The following PDE4B variants were observed in gnomAD, a reference collection of about 807,000 sequenced individuals.
PDE4B encodes phosphodiesterase 4B, also known as 3',5'-cyclic-AMP phosphodiesterase 4B.
A neutral mutation model predicts 82.2 loss-of-function variants in PDE4B; 20 were observed. The observed-to-expected ratio is 0.24, with a 90% CI of 0.17 to 0.35. The LOEUF is 0.35. PDE4B is among the 10% of genes least tolerant of loss of function. PDE4B has a pLI of 1.00. For missense variants in PDE4B, 655 were observed against 907.2 expected (o/e 0.72, Z 3.57); for synonymous variants, 320 against 318.9 (o/e 1.00, Z -0.04).
intron 7 of PDE4B, among the ~76,000 whole-genome samples, chr1:66,291,348 T>C (rs1657064408): frequency 6.6e-6 from 1 of 152,168 alleles, no homozygotes; most frequent in Non-Finnish European, 1.5e-5. Context: ...CTCTAGATAC[T>C]AGGCTCTTTT....
chr1:66,342,122 T>C (rs1046513843), intron 8 of PDE4B, among the ~76,000 whole-genome samples: 16 of 152,292 alleles, frequency 1.1e-4, no homozygotes, highest in African/African-American at 3.8e-4. Flanking sequence ...TAATAAACTA[T>C]TAATGTAATT....
chr1:65,863,945 T>C (rs1291688243), intron 1 of PDE4B, among the ~76,000 whole-genome samples: 1 of 152,108 alleles, frequency 6.6e-6, no homozygotes, highest in African/African-American at 2.4e-5. Context: ...TGGGTCTTTA[T>C]CCAATTTGCC....
chr1:66,305,139 G>A (rs544729313), intron 7 of PDE4B, among the ~76,000 whole-genome samples: 1 of 152,218 alleles, frequency 6.6e-6, no homozygotes, highest in Admixed American at 6.5e-5. Flanking sequence ...TGACTGGAAA[G>A]CAAAGCGTAA....
intron 7 of PDE4B, among the ~76,000 whole-genome samples, chr1:66,279,871 G>A (rs925294513): frequency 2.6e-5 from 4 of 152,102 alleles, no homozygotes; most frequent in South Asian, 4.1e-4. Context: ...CAACATCATC[G>A]GGGGTAATCT....
At chr1:65,818,406 C>T (rs1048247871) in intron 1 of PDE4B, among the ~76,000 whole-genome samples, 2 of 152,238 alleles carry the variant, frequency 1.3e-5, no homozygotes, top group African/African-American at 4.8e-5. Flanking sequence ...CTTCCATCCT[C>T]CTTCTTCCTA....
chr1:66,349,761 A>G (rs1198576916), intron 8 of PDE4B, among the ~76,000 whole-genome samples: 1 of 152,224 alleles, frequency 6.6e-6, no homozygotes, highest in Non-Finnish European at 1.5e-5. Context: ...TGAAATGTTA[A>G]GAATTGTGGA....
At chr1:66,105,616 T>C (rs1190718845) in intron 3 of PDE4B, among the ~76,000 whole-genome samples, 1 of 152,102 alleles carries the variant, frequency 6.6e-6, no homozygotes, top group African/African-American at 2.4e-5. Flanking sequence ...TTTATTTCCT[T>C]GAGCAGTGGT....
intron 1 of PDE4B, among the ~76,000 whole-genome samples, chr1:65,798,896 C>T (rs968231436): frequency 6.6e-6 from 1 of 151,950 alleles, no homozygotes; most frequent in Non-Finnish European, 1.5e-5. Context: ...GACGTTTACT[C>T]TATGGAACAT....
chr1:66,061,012 G>A (rs1022428559), intron 3 of PDE4B, among the ~76,000 whole-genome samples: 3 of 151,818 alleles, frequency 2.0e-5, no homozygotes, highest in African/African-American at 7.3e-5. Context: ...AGAAAGAAGA[G>A]TGGGCAGCAT....
intron 3 of PDE4B, among the ~76,000 whole-genome samples, chr1:65,926,518 A>G (rs566474607): frequency 1.4e-4 from 22 of 152,244 alleles, no homozygotes; most frequent in African/African-American, 1.9e-4. Flanking sequence ...CGAAGACACT[A>G]TCTTTCCCCA....
rs1214613613 is a variant in PDE4B, at chr1:65,955,191, C to G, written c.281+36356C>G. Among the ~76,000 whole-genome samples, 5 of 152,038 alleles carry G rather than the reference C, an allele frequency of 3.3e-5. No homozygotes were observed. The East Asian group carries it at 9.6e-4, about 29-fold the overall frequency. ...CTTTTACCAAAATCCTTCCCTGTAC[C>G]CTGGAGCCCTGTCCGTCCATCCATC... On this transcript the variant is annotated intron_variant, in intron 3 of 16. Transcript: ENST00000341517.
At chr1:65,962,116 G>A (rs1028015049) in intron 3 of PDE4B, among the ~76,000 whole-genome samples, 2 of 152,070 alleles carry the variant, frequency 1.3e-5, no homozygotes, top group Non-Finnish European at 2.9e-5. Context: ...GCCTACGGTT[G>A]GGCAAAATCA....
chr1:66,346,696 C>T (rs1051654036), intron 8 of PDE4B, among the ~76,000 whole-genome samples: 1 of 152,136 alleles, frequency 6.6e-6, no homozygotes, highest in Non-Finnish European at 1.5e-5. Flanking sequence ...CTGCTGTCAA[C>T]AATGAAAAGA....
At chr1:66,161,481 A>T (rs1278368340) in intron 3 of PDE4B, among the ~76,000 whole-genome samples, 1 of 152,132 alleles carries the variant, frequency 6.6e-6, no homozygotes, top group Non-Finnish European at 1.5e-5. Flanking sequence ...ACTTTTTAAG[A>T]GCGTCTTTTT....
At chr1:66,352,655 A>G (rs1198480261) in intron 8 of PDE4B, among the ~76,000 whole-genome samples, 3 of 152,120 alleles carry the variant, frequency 2.0e-5, no homozygotes, top group Non-Finnish European at 4.4e-5. Flanking sequence ...GCCCTAATAT[A>G]TCTATTCCTA....
chr1:66,180,128 G>A (rs1647029037), intron 3 of PDE4B, among the ~76,000 whole-genome samples: 2 of 152,314 alleles, frequency 1.3e-5, no homozygotes, highest in Admixed American at 6.5e-5. Flanking sequence ...GGAATTCGCA[G>A]TCAGGTAGGG....
intron 1 of PDE4B, among the ~76,000 whole-genome samples, chr1:65,793,454 C>G (rs903315171): frequency 1.3e-5 from 2 of 152,336 alleles, no homozygotes; most frequent in East Asian, 1.9e-4. Context: ...GCCTTTCGCC[C>G]TCATCTTCTC....
At chr1:66,173,070 G>T (rs1245622078) in intron 3 of PDE4B, among the ~76,000 whole-genome samples, 1 of 152,118 alleles carries the variant, frequency 6.6e-6, no homozygotes, top group African/African-American at 2.4e-5. Flanking sequence ...TGGGCACATG[G>T]ATACACCTGT....
At chr1:66,155,324 C>G (rs1646481488) in intron 3 of PDE4B, among the ~76,000 whole-genome samples, 1 of 152,046 alleles carries the variant, frequency 6.6e-6, no homozygotes, top group Non-Finnish European at 1.5e-5. Context: ...TTCCTCGTGT[C>G]TTCTGCCTAC....
Sources: gnomAD v4.1 joint callset for allele counts (sites outside exome capture counted in the v4.1 genomes callset) on GRCh38, gnomAD v4.1.1 for gene constraint, MANE v1.5 for transcripts, NCBI Gene and HGNC (gene_info 2026-07-23, HGNC 2026-07-21) for gene names.